The following CSMD1 variants were observed in gnomAD, a reference collection of about 807,000 sequenced individuals.
CSMD1 encodes CUB and Sushi multiple domains 1, also known as CUB and sushi domain-containing protein 1.
Under a neutral mutation model 417.5 loss-of-function variants are expected in CSMD1, and 213 were observed. The observed-to-expected ratio is 0.51, with a 90% confidence interval of 0.46 to 0.57. The LOEUF (loss-of-function observed/expected upper bound fraction) is 0.57. Among genes scored for constraint, CSMD1 ranks in the 20% least tolerant of loss-of-function variants. The probability of loss-of-function intolerance (pLI) is 0.00; values close to 1 mark genes in which losing one functional copy is unlikely to be tolerated. For missense variants in CSMD1, 6,923 were observed against 4,529.7 expected, an observed-to-expected ratio of 1.53 and a Z score of -15.17; for synonymous variants, 2,862 against 1,736.8, an observed-to-expected ratio of 1.65 and a Z score of -16.11.
At chr8:3,523,964 TACACATGCACAC>T (rs1797635278) in intron 10 of CSMD1, among the ~76,000 whole-genome samples, 1 of 115,638 alleles carries the variant, frequency 8.6e-6, no homozygotes, top group Non-Finnish European at 1.8e-5. Context: ...CATGCACACT[TACACATGCACAC>T]ACACATGCAC....
intron 3 of CSMD1, among the ~76,000 whole-genome samples, chr8:4,209,286 A>C (rs1437218373): frequency 6.6e-6 from 1 of 152,146 alleles, no homozygotes; most frequent in Non-Finnish European, 1.5e-5. Context: ...TTCATTTCAC[A>C]GCTTGCTCTT....
At chr8:3,112,955 T>C (rs10503195) in intron 42 of CSMD1, 32,296 of 152,162 alleles carry the variant, frequency 0.21, 4,118 homozygotes, top group African/African-American at 0.36. Flanking sequence ...CTGATCTTTA[T>C]CTACTTCCAG....
intron 68 of CSMD1, among the ~76,000 whole-genome samples, chr8:2,947,582 C>A (rs1024064865): frequency 6.6e-6 from 1 of 152,136 alleles, no homozygotes; most frequent in Non-Finnish European, 1.5e-5. Context: ...GCAAAGAAAA[C>A]GTGTAATAGC....
chr8:4,893,014 T>G (rs887273603), intron 1 of CSMD1, among the ~76,000 whole-genome samples: 2 of 152,150 alleles, frequency 1.3e-5, no homozygotes, highest in Non-Finnish European at 2.9e-5. Flanking sequence ...CATCTGTGTT[T>G]GTAATTTGCA....
At chr8:3,577,311 G>C (rs1343573392) in intron 9 of CSMD1, among the ~76,000 whole-genome samples, 1 of 152,142 alleles carries the variant, frequency 6.6e-6, no homozygotes, top group East Asian at 1.9e-4. Flanking sequence ...CACATTTTCA[G>C]GCCTATGAAG....
Position 3,298,601 on chromosome 8 carries a change from G to C in CSMD1, c.3950+9094C>G, listed in dbSNP as rs535976083. On this transcript the variant is annotated intron_variant, in intron 25 of 69. Transcript: ENST00000635120. Reference sequence around the variant, plus strand: ...CCCGAGTAGCTGGGATTATAGGCGTGTGCCAACACAACTTGCTTATTTTTT... The same window carrying C: ...CCCGAGTAGCTGGGATTATAGGCGTCTGCCAACACAACTTGCTTATTTTTT... 3.5e-3 allele frequency among the ~76,000 whole-genome samples: 532 copies of C among 152,196 alleles called. 1 individual carries two copies. Among genetic ancestry groups the C allele is most frequent in the Non-Finnish European group, 4.6e-3 (316 of 68,006 alleles).
intron 3 of CSMD1, among the ~76,000 whole-genome samples, chr8:4,089,844 G>T (rs781246644): frequency 2.0e-5 from 3 of 152,142 alleles, no homozygotes; most frequent in Non-Finnish European, 2.9e-5. Context: ...CTTCTGGAAT[G>T]AATGGTGGTG....
intron 25 of CSMD1, among the ~76,000 whole-genome samples, chr8:3,304,730 CTTTTT>C (rs1804689293): frequency 2.0e-5 from 3 of 151,614 alleles, no homozygotes; most frequent in African/African-American, 7.3e-5. Context: ...TTATTTTTCT[CTTTTT>C]AATTTTTTTT....
At chr8:4,209,822 C>T (rs1480926583) in intron 3 of CSMD1, among the ~76,000 whole-genome samples, 1 of 152,220 alleles carries the variant, frequency 6.6e-6, no homozygotes, top group East Asian at 1.9e-4. Context: ...TTTATATCCA[C>T]TTTCAATTAC....
chr8:3,729,797 T>C (rs535009792), intron 6 of CSMD1, among the ~76,000 whole-genome samples: 6 of 152,008 alleles, frequency 3.9e-5, no homozygotes, highest in Non-Finnish European at 7.4e-5. Context: ...CTGATGACCA[T>C]GATTTCTTCA....
At chr8:4,248,108 C>T (rs1044633091) in intron 3 of CSMD1, among the ~76,000 whole-genome samples, 1 of 151,890 alleles carries the variant, frequency 6.6e-6, no homozygotes, top group African/African-American at 2.4e-5. Flanking sequence ...GTGTATATTT[C>T]CAGTTTATTT....
intron 3 of CSMD1, among the ~76,000 whole-genome samples, chr8:4,405,012 A>G (rs1804911031): frequency 6.6e-6 from 1 of 152,256 alleles, no homozygotes; most frequent in African/African-American, 2.4e-5. Context: ...AAGCTAAGTA[A>G]TAAAACTGAG....
chr8:4,465,500 G>A (rs1391445292), intron 2 of CSMD1, among the ~76,000 whole-genome samples: 4 of 152,086 alleles, frequency 2.6e-5, no homozygotes, highest in African/African-American at 7.2e-5. Context: ...CCCAAGAGGT[G>A]ACTTAACAGT....
At chr8:3,770,207 A>G (rs1347021126) in intron 5 of CSMD1, among the ~76,000 whole-genome samples, 1 of 152,194 alleles carries the variant, frequency 6.6e-6, no homozygotes, top group Non-Finnish European at 1.5e-5. Flanking sequence ...AAACATTTCT[A>G]CACATGGCTT....
intron 1 of CSMD1, among the ~76,000 whole-genome samples, chr8:4,647,674 T>C (rs372198636): frequency 6.6e-6 from 1 of 152,166 alleles, no homozygotes; most frequent in Non-Finnish European, 1.5e-5. Flanking sequence ...TGTTTGGTTT[T>C]CTGTTCTTGT....
At chr8:3,924,556 G>T (rs117612947) in intron 5 of CSMD1, among the ~76,000 whole-genome samples, 1 of 152,194 alleles carries the variant, frequency 6.6e-6, no homozygotes, top group East Asian at 1.9e-4. Context: ...TGAAAATTGT[G>T]TATCAGTTTT....
At position 3,396,252 on chromosome 8, in the gene CSMD1, G is replaced by T; in HGVS notation, c.2535C>A (p.Tyr845Ter). Residue 845 changes from tyrosine (Y) to a stop codon, truncating the protein, a stop_gained, in exon 17 of 70, where the codon TAC becomes TAA. Transcript: ENST00000635120. LOFTEE classifies it high-confidence loss of function. ...QFLISTGNFM[Y>*]LLFTTDNSRS... is the part of the protein sequence containing the mutation. ...GGCTGTTGTCAGTGGTGAACAGCAGGTACATGAAGTTCCCGGTGCTGATGA... is the reference window on the plus strand; with the variant it reads ...GGCTGTTGTCAGTGGTGAACAGCAGTTACATGAAGTTCCCGGTGCTGATGA... 1 of 1,581,672 alleles carries T rather than the reference G, an allele frequency of 6.3e-7. No homozygotes were observed. Among genetic ancestry groups the T allele is most frequent in the East Asian group, 2.3e-5 (1 of 43,416 alleles).
chr8:3,221,418 T>C (rs1177858984), intron 28 of CSMD1, among the ~76,000 whole-genome samples: 1 of 152,116 alleles, frequency 6.6e-6, no homozygotes, highest in Non-Finnish European at 1.5e-5. Context: ...GTATTTAGAG[T>C]ATTGGCAAGG....
intron 1 of CSMD1, among the ~76,000 whole-genome samples, chr8:4,700,336 T>G (rs1454380977): frequency 6.6e-6 from 1 of 151,922 alleles, no homozygotes; most frequent in African/African-American, 2.4e-5. Context: ...ATTAATCTAT[T>G]ATTTATAATA....
Sources: allele counts gnomAD v4.1 joint callset (sites outside exome capture counted in the v4.1 genomes callset), GRCh38; gene constraint gnomAD v4.1.1; transcripts MANE v1.5; gene names NCBI Gene and HGNC (gene_info 2026-07-23, HGNC 2026-07-21).